The following RAPGEF1 variants were observed in gnomAD, a reference collection of about 807,000 sequenced individuals.
The protein encoded by RAPGEF1 is CRK SH3-binding GNRP.
In RAPGEF1, 33 loss-of-function variants were observed where a neutral mutation model predicts 143.3. That is an observed-to-expected ratio of 0.23 (90% confidence interval 0.17 to 0.31). The LOEUF is 0.31. Among genes scored for constraint, RAPGEF1 ranks in the 10% least tolerant of loss-of-function variants. The probability of loss-of-function intolerance (pLI) is 1.00; values close to 1 mark genes in which losing one functional copy is unlikely to be tolerated. For missense variants in RAPGEF1, 1,199 were observed against 1,645.4 expected, an observed-to-expected ratio of 0.73 and a Z score of 4.69; for synonymous variants, 629 against 676.5, an observed-to-expected ratio of 0.93 and a Z score of 1.09.
chr9:131,727,453 AGT>A (rs1051633577), intron 1 of RAPGEF1, among the ~76,000 whole-genome samples: 7 of 152,244 alleles, frequency 4.6e-5, no homozygotes, highest in African/African-American at 1.7e-4. Context: ...CCAATTATAG[AGT>A]GGGGTTCAGA....
intron 1 of RAPGEF1, among the ~76,000 whole-genome samples, chr9:131,715,332 G>A (rs1835786704): frequency 6.6e-6 from 1 of 152,180 alleles, no homozygotes; most frequent in African/African-American, 2.4e-5. Flanking sequence ...AGGGAAGGGT[G>A]AGACTTGAAG....
chr9:131,603,809 G>C (rs1190322119), intron 14 of RAPGEF1, among the ~76,000 whole-genome samples, 152 bp downstream of exon 14: 2 of 152,230 alleles, frequency 1.3e-5, no homozygotes, highest in Non-Finnish European at 1.5e-5. Context: ...GGGCCGAGCT[G>C]GCTCCCAGCA....
intron 1 of RAPGEF1, among the ~76,000 whole-genome samples, chr9:131,719,988 C>A (rs1015355457): frequency 6.6e-6 from 1 of 151,728 alleles, no homozygotes. Context: ...TGGGTTCAAG[C>A]GATTCTCCTG....
chr9:131,598,070 G>C, intron 16 of RAPGEF1, 129 bp downstream of exon 16: 1 of 742,466 alleles, frequency 1.3e-6, no homozygotes, highest in Admixed American at 2.3e-5. Flanking sequence ...GCTCACCAGG[G>C]GCATTGAAAG....
At chr9:131,696,449 T>C (rs1219577104) in intron 1 of RAPGEF1, among the ~76,000 whole-genome samples, 1 of 152,220 alleles carries the variant, frequency 6.6e-6, no homozygotes. Flanking sequence ...ATATTTACTA[T>C]ATGGTCTTTA....
chr9:131,718,526 A>T (rs1479709268), intron 1 of RAPGEF1, among the ~76,000 whole-genome samples: 2 of 152,170 alleles, frequency 1.3e-5, no homozygotes, highest in East Asian at 3.9e-4. Flanking sequence ...TCAGCAGAGG[A>T]GGTACTAAGA....
At chr9:131,703,522 T>A (rs906627571) in intron 1 of RAPGEF1, among the ~76,000 whole-genome samples, 4 of 152,158 alleles carry the variant, frequency 2.6e-5, no homozygotes, top group African/African-American at 9.7e-5. Context: ...TCCTTCATCC[T>A]CACAACATCC....
chr9:131,621,583 G>T lies in RAPGEF1; in HGVS notation c.1905+213C>A, dbSNP rs1961041172. On this transcript the variant is annotated intron_variant, in intron 11 of 26. Coordinates refer to ENST00000683357, the MANE Select transcript of RAPGEF1 (RefSeq NM_001377935.1). The surrounding 1 kb of genome is among the most constrained non-coding windows in gnomAD (Gnocchi z 4.5). ...GAAAAGAAAGGTCCCTGCACCCCAG[G>T]GTGGGGAGGTGGTGGAGTGGGCGCT... Among the ~76,000 whole-genome samples the T allele has an allele frequency of 6.6e-6, 1 of 152,214 alleles. No homozygotes were observed. The highest frequency in any genetic ancestry group is 2.4e-5 in the African/African-American group (1 of 41,446).
intron 1 of RAPGEF1, among the ~76,000 whole-genome samples, chr9:131,682,067 T>C (rs1261872182): frequency 1.3e-5 from 2 of 152,166 alleles, no homozygotes; most frequent in Admixed American, 6.5e-5. Flanking sequence ...AAAGCTACTC[T>C]GCTAGCACAG....
chr9:131,597,875 G>A (rs774002315), intron 16 of RAPGEF1, among the ~76,000 whole-genome samples: 1 of 152,122 alleles, frequency 6.6e-6, no homozygotes, highest in Non-Finnish European at 1.5e-5. Flanking sequence ...AGTGAGGGCC[G>A]GCCACATGCA....
chr9:131,604,861 A>T (rs1956844347), intron 13 of RAPGEF1, 70 bp downstream of exon 13: 1 of 1,219,002 alleles, frequency 8.2e-7, no homozygotes, highest in South Asian at 1.4e-5. Context: ...CGCTTTTTAA[A>T]AAACGTGCAG....
intron 1 of RAPGEF1, among the ~76,000 whole-genome samples, chr9:131,681,691 C>T (rs1027314202): frequency 2.6e-5 from 4 of 152,174 alleles, no homozygotes; most frequent in African/African-American, 9.7e-5. Context: ...TAACTGCGCA[C>T]CAGCTTTTGG....
At chr9:131,593,831 G>A (rs929241282) in intron 17 of RAPGEF1, among the ~76,000 whole-genome samples, 2 of 152,242 alleles carry the variant, frequency 1.3e-5, no homozygotes, top group East Asian at 3.8e-4. Flanking sequence ...AGAGTTTGGG[G>A]AAGGAAGCAG....
chr9:131,657,234 C>A (rs959055730), intron 1 of RAPGEF1, among the ~76,000 whole-genome samples: 1 of 152,210 alleles, frequency 6.6e-6, no homozygotes, highest in Non-Finnish European at 1.5e-5. Flanking sequence ...CGGCTCCAGA[C>A]AGGCAGGCAG....
At position 131,628,505 on chromosome 9, in the gene RAPGEF1, AC is replaced by A; in HGVS notation, c.1017+43del. 1 of 1,597,178 alleles carries A rather than the reference AC, an allele frequency of 6.3e-7. No individual in the cohort carries two copies. Among genetic ancestry groups the A allele is most frequent in the Non-Finnish European group, 8.6e-7 (1 of 1,168,446 alleles). On this transcript the variant is annotated intron_variant, in intron 8 of 26. Transcript: ENST00000683357. This position sits in a 1 kb window ranked among gnomAD's most constrained non-coding sequence, Gnocchi z 5.7. ...CAGGAGCCACATCCCTGAGCCCCCC[AC>A]CCCCTCCCTGCCTTCCCATGCAGGG... is the stretch of plus-strand genomic sequence containing the variant.
chr9:131,630,986 A>G (rs1372424940), intron 5 of RAPGEF1, among the ~76,000 whole-genome samples: 2 of 151,742 alleles, frequency 1.3e-5, no homozygotes, highest in East Asian at 3.9e-4. Flanking sequence ...TCCCAGTTTG[A>G]TGAGTTTTGA....
intron 16 of RAPGEF1, among the ~76,000 whole-genome samples, chr9:131,597,863 T>C (rs1347772714): frequency 6.6e-6 from 1 of 152,114 alleles, no homozygotes; most frequent in Non-Finnish European, 1.5e-5. Flanking sequence ...AAGTTTCCCA[T>C]TAGTGAGGGC....
intron 6 of RAPGEF1, among the ~76,000 whole-genome samples, chr9:131,629,823 A>G (rs888203673): frequency 6.6e-6 from 1 of 152,052 alleles, no homozygotes; most frequent in Non-Finnish European, 1.5e-5. Context: ...TATGTTTTAT[A>G]TTTTTACCAG....
At chr9:131,592,026 G>T in intron 18 of RAPGEF1, 73 bp downstream of exon 18, 2 of 1,212,816 alleles carry the variant, frequency 1.6e-6, no homozygotes, top group Non-Finnish European at 2.4e-6. Context: ...CACGAGGACT[G>T]AAGGGCAAGA....
Sources: gnomAD v4.1 joint callset for allele counts (sites outside exome capture counted in the v4.1 genomes callset) on GRCh38, gnomAD v4.1.1 for gene constraint, Gnocchi (gnomAD v3.1) non-coding constraint, MANE v1.5 for transcripts, NCBI Gene and HGNC (gene_info 2026-07-23, HGNC 2026-07-21) for gene names.